Variants in WNT3 observed in about 807,000 individuals in gnomAD.
WNT3 encodes proto-oncogene Wnt-3.
Under a neutral mutation model 34.2 loss-of-function variants are expected in WNT3, and 7 were observed. That is an observed-to-expected ratio of 0.20 (90% confidence interval 0.12 to 0.38). The LOEUF is 0.38. Among genes scored for constraint, WNT3 ranks in the 10% least tolerant of loss-of-function variants. The pLI is 1.00. For missense variants in WNT3, 267 were observed against 499.8 expected (o/e 0.53, Z 4.44); for synonymous variants, 212 against 211.5 (o/e 1.00, Z -0.02).
At chr17:46,771,112 G>C (rs2059363832) in intron 2 of WNT3, among the ~76,000 whole-genome samples, 1 of 152,206 alleles carries the variant, frequency 6.6e-6, no homozygotes, top group Non-Finnish European at 1.5e-5. Flanking sequence ...ACCCCTCTTG[G>C]CTCCCGCGGC....
chr17:46,801,773 T>C (rs1036007750), intron 1 of WNT3, among the ~76,000 whole-genome samples: 2 of 152,048 alleles, frequency 1.3e-5, no homozygotes, highest in Non-Finnish European at 1.5e-5. Context: ...ACCACAGCTG[T>C]GAGGGAGGGC....
In WNT3 at chr17:46,779,538, C is replaced by T. The variant is rs55800334; in HGVS notation, c.81-5629G>A. On this transcript the variant is annotated intron_variant, in intron 1 of 4. Transcript: ENST00000225512. The stretch of plus-strand genomic sequence containing the variant: ...CCGAGGACACACACGGGCAGCCAGG[C>T]GGATGGGCTGCGGGTGCCCTGCACA... 7.4e-3 allele frequency among the ~76,000 whole-genome samples: 1,120 copies of T among 152,320 alleles called. 12 individuals carry two copies. Among genetic ancestry groups the T allele is most frequent in the African/African-American group, 0.025 (1,058 of 41,570 alleles).
chr17:46,770,772 GGA>G (rs1349015564), intron 2 of WNT3, among the ~76,000 whole-genome samples: 1 of 152,338 alleles, frequency 6.6e-6, no homozygotes, highest in South Asian at 2.1e-4. Flanking sequence ...CGCAGGGAAA[GGA>G]GAGACTCTCA....
At chr17:46,792,293 C>T (rs747163058) in intron 1 of WNT3, among the ~76,000 whole-genome samples, 18 of 152,102 alleles carry the variant, frequency 1.2e-4, no homozygotes, top group Non-Finnish European at 2.2e-4. Context: ...TGGGGACACT[C>T]AGGCTGTGAA....
rs371569971 is a variant in WNT3 at position 46,769,763 on chromosome 17, G to T, written c.588+20C>A. 13 of 1,607,812 alleles carry T rather than the reference G, an allele frequency of 8.1e-6. 1 individual carries two copies. The South Asian group carries it at 1.3e-4, about 16-fold the overall frequency. The stretch of plus-strand genomic sequence containing the variant: ...GGGGGGCTGCTCCCTGAAGGGTTTG[G>T]GGAGGGTAGCCGGGCTCACCGTGCG... On this transcript the variant is annotated intron_variant, in intron 3 of 4. Coordinates refer to ENST00000225512, the MANE Select transcript of WNT3 (RefSeq NM_030753.5).
intron 1 of WNT3, among the ~76,000 whole-genome samples, chr17:46,789,237 G>A (rs1001712065): frequency 5.3e-5 from 8 of 152,134 alleles, no homozygotes; most frequent in Non-Finnish European, 8.8e-5. Flanking sequence ...TGATAGCACT[G>A]GCCACCAGGG....
At chr17:46,813,607 C>A (rs1426873990) in intron 1 of WNT3, among the ~76,000 whole-genome samples, 1 of 151,964 alleles carries the variant, frequency 6.6e-6, no homozygotes, top group Non-Finnish European at 1.5e-5. Flanking sequence ...CTGCTCAACT[C>A]CTGGCTCATC....
intron 1 of WNT3, 136 bp downstream of exon 1, chr17:46,818,382 G>C (rs2084380570): frequency 2.5e-6 from 2 of 814,080 alleles, no homozygotes; most frequent in African/African-American, 3.5e-5. Context: ...TCCAGGAGGG[G>C]TGGGCGGGTG....
chr17:46,816,934 C>G (rs890001111), intron 1 of WNT3, among the ~76,000 whole-genome samples: 1 of 152,218 alleles, frequency 6.6e-6, no homozygotes, highest in Non-Finnish European at 1.5e-5. Flanking sequence ...CCAGACTGGC[C>G]GAACCTCCTT....
In WNT3 at chr17:46,764,133, G is replaced by C. The variant is rs143326731; in HGVS notation, c.*497C>G. 1 of 152,276 alleles carries C rather than the reference G, an allele frequency of 6.6e-6. No individual in the cohort carries two copies. The highest frequency in any genetic ancestry group is 1.5e-5 in the Non-Finnish European group (1 of 68,020). 9.4% of individuals were successfully genotyped at this position (152,276 alleles called of 1,614,324 possible). ...ATTAGCTCAAATTTGAATGGGAGTG[G>C]ACCAAGAAAAGGAGACTGCAGGGGT... On this transcript the variant is annotated 3_prime_UTR_variant, in exon 5 of 5. Transcript: ENST00000225512.
chr17:46,786,434 GC>G (rs1318227231), intron 1 of WNT3, among the ~76,000 whole-genome samples: 1 of 152,236 alleles, frequency 6.6e-6, no homozygotes, highest in Non-Finnish European at 1.5e-5. Flanking sequence ...AAGGGCCTAG[GC>G]CCAGAGGGGT....
chr17:46,791,454 G>A (rs765000584), intron 1 of WNT3, among the ~76,000 whole-genome samples: 8 of 151,968 alleles, frequency 5.3e-5, no homozygotes, highest in South Asian at 2.1e-4. Flanking sequence ...TGATCCGCCC[G>A]CCTCAGCCTC....
intron 4 of WNT3, among the ~76,000 whole-genome samples, chr17:46,765,843 T>A (rs2059307770): frequency 6.6e-6 from 1 of 152,114 alleles, no homozygotes; most frequent in Non-Finnish European, 1.5e-5. Context: ...AGAACACAGT[T>A]CTCATCCCCA....
chr17:46,792,729 C>T (rs1035089051), intron 1 of WNT3, among the ~76,000 whole-genome samples: 6 of 152,196 alleles, frequency 3.9e-5, no homozygotes, highest in Non-Finnish European at 5.9e-5. Context: ...ACCTCTGCCT[C>T]CCAAAGCGCT....
At chr17:46,793,036 G>A (rs986228803) in intron 1 of WNT3, among the ~76,000 whole-genome samples, 1 of 151,564 alleles carries the variant, frequency 6.6e-6, no homozygotes, top group African/African-American at 2.4e-5. Context: ...AGGCCGAGGC[G>A]GGAGGAGCAC....
rs75502579 is a variant in WNT3 at position 46,774,502 on chromosome 17, T to C, written c.81-593A>G. ...TTGTCTACCAGGGCCTCCATGACCA[T>C]CTTTCCAGTTTCCTAGAAGTTTCTA... On this transcript the variant is annotated intron_variant, in intron 1 of 4. Coordinates refer to ENST00000225512, the MANE Select transcript of WNT3 (RefSeq NM_030753.5). Among the ~76,000 whole-genome samples the C allele has an allele frequency of 5.5e-4, 84 of 152,366 alleles. 1 individual carries two copies. In the East Asian group the frequency reaches 0.016, roughly 28 times the overall value.
chr17:46,770,841 A>C (rs1476713550), intron 2 of WNT3, among the ~76,000 whole-genome samples: 2 of 152,214 alleles, frequency 1.3e-5, no homozygotes, highest in Non-Finnish European at 2.9e-5. Flanking sequence ...CTTCATTCAC[A>C]TGGAAAGTTT....
At chr17:46,801,553 G>A (rs2084125352) in intron 1 of WNT3, among the ~76,000 whole-genome samples, 1 of 152,178 alleles carries the variant, frequency 6.6e-6, no homozygotes, top group Non-Finnish European at 1.5e-5. Context: ...CTGGGAGGCG[G>A]AGGCTGCAGT....
At chr17:46,783,491 C>T (rs140871284) in intron 1 of WNT3, among the ~76,000 whole-genome samples, 1 of 152,314 alleles carries the variant, frequency 6.6e-6, no homozygotes, top group Non-Finnish European at 1.5e-5. Flanking sequence ...AGCACCCAGC[C>T]CAGGAGGCTG....
Sources: gnomAD v4.1 joint callset for allele counts (sites outside exome capture counted in the v4.1 genomes callset) on GRCh38, gnomAD v4.1.1 for gene constraint, MANE v1.5 for transcripts, NCBI Gene and HGNC (gene_info 2026-07-23, HGNC 2026-07-21) for gene names.